Variants in SPRR2G observed in about 807,000 individuals in gnomAD.
SPRR2G encodes small proline-rich protein 2G.
A neutral mutation model predicts 0.7 loss-of-function variants in SPRR2G; 1 was observed. That is an observed-to-expected ratio of 1.49 (90% CI 0.53 to 7.06). SPRR2G has a LOEUF of 7.06. Among genes scored for constraint, SPRR2G ranks in the 30% most tolerant of loss-of-function variants. SPRR2G has a pLI of 0.14. For synonymous variants in SPRR2G, 38 were observed against 33.9 expected (o/e 1.12, Z -0.42); for missense variants, 96 against 88.5 (o/e 1.09, Z -0.34).
the SPRR2G span, among the ~76,000 whole-genome samples, chr1:153,171,266 G>T: frequency 6.6e-6 from 1 of 152,038 alleles, no homozygotes; most frequent in African/African-American, 2.4e-5. Flanking sequence ...GGGACTACTT[G>T]AAACACAGGT....
At chr1:153,161,757 C>T in the SPRR2G span, among the ~76,000 whole-genome samples, 1 of 152,152 alleles carries the variant, frequency 6.6e-6, no homozygotes, top group African/African-American at 2.4e-5. Flanking sequence ...TGTGAATAAT[C>T]TTAGAAATCA....
chr1:153,174,067 C>T, the SPRR2G span, among the ~76,000 whole-genome samples: 12 of 152,304 alleles, frequency 7.9e-5, no homozygotes, highest in East Asian at 2.3e-3. Flanking sequence ...TAGGGACATA[C>T]ATTTCTCTTA....
chr1:153,192,813 C>A, the SPRR2G span, among the ~76,000 whole-genome samples: 1 of 152,176 alleles, frequency 6.6e-6, no homozygotes, highest in African/African-American at 2.4e-5. Context: ...CTTAAATAAA[C>A]TTTAAGCTGA....
chr1:153,187,878 G>A, the SPRR2G span, among the ~76,000 whole-genome samples: 12 of 152,254 alleles, frequency 7.9e-5, 1 homozygote, highest in African/African-American at 2.6e-4. Flanking sequence ...CCCTTTGGAT[G>A]GGGTTTTTGA....
At chr1:153,174,033 T>A in the SPRR2G span, among the ~76,000 whole-genome samples, 3 of 152,242 alleles carry the variant, frequency 2.0e-5, no homozygotes, top group African/African-American at 7.2e-5. Flanking sequence ...GAAGGCCCTA[T>A]GAAAGAGTCT....
the SPRR2G span, among the ~76,000 whole-genome samples, chr1:153,180,641 T>C: frequency 0.19 from 29,161 of 152,134 alleles, 3,027 homozygotes; most frequent in Middle Eastern, 0.38. Context: ...TAGGAAAATA[T>C]AATGACTGGG....
chr1:153,161,441 T>C, the SPRR2G span, among the ~76,000 whole-genome samples: 60 of 128,382 alleles, frequency 4.7e-4, 22 homozygotes, highest in East Asian at 0.013. Context: ...TGCCTTTGAG[T>C]TGTTTGAGTT....
the SPRR2G span, among the ~76,000 whole-genome samples, chr1:153,161,095 G>C: frequency 7.4e-6 from 1 of 135,686 alleles, no homozygotes; most frequent in Admixed American, 7.5e-5. Flanking sequence ...CTGTTGTGGG[G>C]TGGGGGGAGG....
At chr1:153,158,428 A>G in the SPRR2G span, among the ~76,000 whole-genome samples, 2 of 152,356 alleles carry the variant, frequency 1.3e-5, no homozygotes, top group Admixed American at 6.5e-5. Context: ...CATGTCTCAC[A>G]TCCAAGGCAT....
upstream of SPRR2G, among the ~76,000 whole-genome samples, chr1:153,154,665 G>A (rs114552630): frequency 3.9e-3 from 595 of 152,020 alleles, 9 homozygotes; most frequent in African/African-American, 0.013. Flanking sequence ...CAGTCTCTTA[G>A]GATCTTTTTT....
the SPRR2G span, among the ~76,000 whole-genome samples, chr1:153,161,714 G>A: frequency 6.6e-6 from 1 of 152,104 alleles, no homozygotes; most frequent in African/African-American, 2.4e-5. Flanking sequence ...TTGGAACTCT[G>A]GAGCAAAGAA....
At chr1:153,173,292 G>A in the SPRR2G span, among the ~76,000 whole-genome samples, 10 of 152,250 alleles carry the variant, frequency 6.6e-5, no homozygotes, top group Middle Eastern at 3.4e-3. Context: ...TGTGATATTC[G>A]ATTACTCCCT....
the SPRR2G span, among the ~76,000 whole-genome samples, chr1:153,198,189 TA>T: frequency 6.6e-6 from 1 of 151,924 alleles, no homozygotes; most frequent in Non-Finnish European, 1.5e-5. Flanking sequence ...TTTAAAAAAA[TA>T]AAAAAAGTCT....
At chr1:153,154,276 C>A (rs76623931), upstream of SPRR2G, among the ~76,000 whole-genome samples, 4,691 of 151,466 alleles carry the variant, frequency 0.031, 238 homozygotes, top group African/African-American at 0.11. Context: ...TTTGTTGAAT[C>A]TTTTTGCTTC....
chr1:153,182,940 G>A, the SPRR2G span, among the ~76,000 whole-genome samples: 1 of 152,056 alleles, frequency 6.6e-6, no homozygotes, highest in African/African-American at 2.4e-5. Flanking sequence ...TCTGGTTAGA[G>A]ATCTTTGAGG....
At chr1:153,154,125 G>A (rs1420655930), upstream of SPRR2G, among the ~76,000 whole-genome samples, 1 of 150,168 alleles carries the variant, frequency 6.7e-6, no homozygotes, top group African/African-American at 2.4e-5. Flanking sequence ...CACATTTATT[G>A]ATTTGCCTAC....
the SPRR2G span, among the ~76,000 whole-genome samples, chr1:153,172,175 G>A: frequency 6.6e-6 from 1 of 152,090 alleles, no homozygotes; most frequent in Non-Finnish European, 1.5e-5. Context: ...ACCTTCCAGG[G>A]TCTATCAACA....
At chr1:153,150,940 C>G (rs1446889681), upstream of SPRR2G, 1 of 152,344 alleles carries the variant, frequency 6.6e-6, no homozygotes, top group East Asian at 1.9e-4. Flanking sequence ...CAGCCCTACA[C>G]AGGGAACAGC....
the SPRR2G span, among the ~76,000 whole-genome samples, chr1:153,169,093 G>A: frequency 6.6e-6 from 1 of 152,136 alleles, no homozygotes; most frequent in Non-Finnish European, 1.5e-5. Context: ...TGAGAGGTTG[G>A]AAGTGCCTTG....
Sources: gnomAD v4.1 joint callset for allele counts (sites outside exome capture counted in the v4.1 genomes callset) on GRCh38, gnomAD v4.1.1 for gene constraint, MANE v1.5 for transcripts, NCBI Gene and HGNC (gene_info 2026-07-23, HGNC 2026-07-21) for gene names.